DNAH1: variants seen among roughly 807,000 people sequenced by gnomAD.
DNAH1 encodes the protein dynein axonemal heavy chain 1, also known as axonemal beta dynein heavy chain 1.
In DNAH1, 327 loss-of-function variants were observed where a neutral mutation model predicts 484.3. That is an observed-to-expected ratio of 0.68 (90% CI 0.62 to 0.74). DNAH1 has a LOEUF of 0.74. Ranked by LOEUF, DNAH1 falls within the 30% of genes least tolerant of loss-of-function variation. The pLI is 0.00. For synonymous variants in DNAH1, 2,192 were observed against 2,191.9 expected, an observed-to-expected ratio of 1.00 and a Z score of 0.00; for missense variants, 5,052 against 5,546.8, an observed-to-expected ratio of 0.91 and a Z score of 2.83.
rs1049893499 is a variant in DNAH1, at chr3:52,362,273, G to C, written c.4981-115G>C. 11 of 838,884 alleles carry C rather than the reference G, an allele frequency of 1.3e-5. No homozygotes were observed. The highest frequency in any genetic ancestry group is 2.1e-5 in the Admixed American group (1 of 46,808). The allele number at this position is 838,884 out of a possible 1,614,324, so 52.0% of individuals were successfully genotyped here. Reference sequence around the variant, plus strand: ...AACCCATGATCAGGGGTCCAGGCCTGGCCTACCAGCTACAGCCAGGACAGG... The same window carrying C: ...AACCCATGATCAGGGGTCCAGGCCTCGCCTACCAGCTACAGCCAGGACAGG... On this transcript the variant is annotated intron_variant, in intron 30 of 77. Transcript: ENST00000420323. The surrounding 1 kb of genome is among the most constrained non-coding windows in gnomAD (Gnocchi z 5.1).
At position 52,349,282 on chromosome 3, in the gene DNAH1, G is replaced by A. The variant is rs751686460; in HGVS notation, c.2388G>A (p.Ser796=). The part of the protein sequence containing the change: ...HLREKEILDS[S]LPSSIIIGPF... Reference sequence around the variant, plus strand: ...GGGAGAAGGAGATCCTGGACAGCTCGCTGCCCAGCAGCATCATCATTGGGC... The same window carrying A: ...GGGAGAAGGAGATCCTGGACAGCTCACTGCCCAGCAGCATCATCATTGGGC... Residue 796 remains serine, a synonymous_variant, in exon 14 of 78, where the codon TCG becomes TCA. Coordinates refer to ENST00000420323, the MANE Select transcript of DNAH1 (RefSeq NM_015512.5). 3.2e-5 allele frequency: 51 copies of A among 1,613,848 alleles called. No homozygotes were observed. Among genetic ancestry groups the A allele is most frequent in the Non-Finnish European group, 4.2e-5 (50 of 1,179,894 alleles).
chr3:52,394,002 GC>G (rs1454833253), intron 66 of DNAH1, among the ~76,000 whole-genome samples: 1 of 152,260 alleles, frequency 6.6e-6, no homozygotes, highest in Non-Finnish European at 1.5e-5. Flanking sequence ...GCCTTCTCGA[GC>G]CTTGAGTGTG....
At position 52,396,849 on chromosome 3, in the gene DNAH1, TCACC is replaced by T; in HGVS notation, c.11611-9_11611-6del. ...GGGGACTGGGCACTTAGGGGAGCCC[TCACC>T]CACCCACCCCATAGGTCCTCAAGTA... On this transcript the variant is annotated splice_polypyrimidine_tract_variant and intron_variant, in intron 72 of 77. Coordinates refer to ENST00000420323, the MANE Select transcript of DNAH1 (RefSeq NM_015512.5). The T allele has an allele frequency of 2.5e-6, 2 of 796,312 alleles. No homozygotes were observed. The highest frequency in any genetic ancestry group is 4.1e-6 in the Non-Finnish European group (2 of 490,284). 49.3% of individuals were successfully genotyped at this position (796,312 alleles called of 1,614,324 possible).
rs1399459638 is a variant in DNAH1, at chr3:52,395,456, G to A, written c.11117G>A (p.Gly3706Asp). 2 of 1,613,868 alleles carry A rather than the reference G, an allele frequency of 1.2e-6. No homozygotes were observed. Among genetic ancestry groups the A allele is most frequent in the South Asian group, 2.2e-5 (2 of 91,082 alleles). ...AAAAAGCTCTCTGCCATCTCCCTGG[G>A]CCAGGGGCAGGTCAGGGCTAGGCAG... ...FSKKLSAISL[G>D]QGQGPRAEAM... is the part of the protein sequence containing the mutation. Residue 3706 changes from glycine (G) to aspartate (D), a missense_variant, in exon 69 of 78, where the codon GGC becomes GAC. Around this residue, in one of 4 missense-constraint regions of DNAH1, gnomAD observed 853 missense variants for 899.0 expected, o/e 0.95. Coordinates refer to ENST00000420323, the MANE Select transcript of DNAH1 (RefSeq NM_015512.5). This position sits in a 1 kb window ranked among gnomAD's most constrained non-coding sequence, Gnocchi z 4.4.
In DNAH1 at chr3:52,392,506, G is replaced by C. The variant is rs754341070; in HGVS notation, c.10095G>C (p.Glu3365Asp). Residue 3365 changes from glutamate (E) to aspartate (D), a missense_variant, in exon 64 of 78, where the codon GAG (glutamate) becomes GAC (aspartate). Physicochemically the swap from Glu to Asp is conservative, Grantham distance 45. Transcript: ENST00000420323. ...TACTGGGCCAGGTAGTGGCAGAGGA[G>C]CGACCCGACCTGGAGGAGGCCAAGA... ...DQLLGQVVAE[E>D]RPDLEEAKNQ... 1.2e-6 allele frequency: 2 copies of C among 1,613,764 alleles called. No homozygotes were observed. The highest frequency in any genetic ancestry group is 1.7e-6 in the Non-Finnish European group (2 of 1,179,874).
intron 16 of DNAH1, among the ~76,000 whole-genome samples, chr3:52,350,828 C>A (rs1344967499): frequency 6.6e-6 from 1 of 152,210 alleles, no homozygotes; most frequent in Non-Finnish European, 1.5e-5. Context: ...TGTCTCTGTC[C>A]TGTCAATGGC....
At chr3:52,360,543 G>C (rs1702812087) in intron 28 of DNAH1, 119 bp downstream of exon 28, 1 of 814,756 alleles carries the variant, frequency 1.2e-6, no homozygotes, top group African/African-American at 1.7e-5. Flanking sequence ...GCAGTACAGG[G>C]TTAGGACCAA....
Position 52,396,727 on chromosome 3 carries a change from A to G in DNAH1, c.11540A>G (p.Asp3847Gly), listed in dbSNP as rs1299172900. Reference sequence around the variant, plus strand: ...TTCAACATCCCCTATGAGTTCACGGATGGAGATCTGCGCATCTGCATCAGC... The same window carrying G: ...TTCAACATCCCCTATGAGTTCACGGGTGGAGATCTGCGCATCTGCATCAGC... ...LGFNIPYEFT[D>G]GDLRICISQL... Residue 3847 changes from aspartate to glycine, a missense_variant, in exon 72 of 78, where the codon GAT becomes GGT. By Grantham distance (94) the Asp-to-Gly change is moderately conservative. Transcript: ENST00000420323. The G allele has an allele frequency of 7.4e-6, 12 of 1,613,650 alleles. No homozygotes were observed. Among genetic ancestry groups the G allele is most frequent in the Middle Eastern group, 1.6e-4 (1 of 6,084 alleles).
chr3:52,390,083 T>G (rs1422668434), intron 60 of DNAH1, among the ~76,000 whole-genome samples: 3 of 152,004 alleles, frequency 2.0e-5, no homozygotes, highest in African/African-American at 4.8e-5. Flanking sequence ...ATTGCGCCAC[T>G]GCACTCCAGC....
rs1226387758 is a variant in DNAH1 at position 52,386,958 on chromosome 3, G to A, written c.9003+105G>A. 2.5e-6 allele frequency: 3 copies of A among 1,216,126 alleles called. 1 individual carries two copies. The African/African-American group carries it at 4.6e-5, about 19-fold the overall frequency. The allele number at this position is 1,216,126 out of a possible 1,614,324, so 75.3% of individuals were successfully genotyped here. On this transcript the variant is annotated intron_variant, in intron 56 of 77. Transcript: ENST00000420323. ...TTGCCCCACCACATCATCTGCATGT[G>A]CAGTGGCCTCTGTCCTGTCTCTCTC...
chr3:52,329,881 T>C (rs1701480517), intron 6 of DNAH1, among the ~76,000 whole-genome samples: 1 of 151,796 alleles, frequency 6.6e-6, no homozygotes, highest in Admixed American at 6.6e-5. Flanking sequence ...TTATCTCGGC[T>C]CACTGAAACC....
intron 8 of DNAH1, among the ~76,000 whole-genome samples, chr3:52,343,462 G>C (rs1014365538): frequency 3.9e-5 from 6 of 152,112 alleles, no homozygotes; most frequent in Admixed American, 3.3e-4. Context: ...TGAAATTCGA[G>C]GGACTTCACC....
At chr3:52,356,454 A>G (rs1702613356) in intron 21 of DNAH1, among the ~76,000 whole-genome samples, 160 bp from the exon 22 acceptor site, 1 of 152,226 alleles carries the variant, frequency 6.6e-6, no homozygotes, top group African/African-American at 2.4e-5. Context: ...AGTATCACAG[A>G]TGACAGCACC....
chr3:52,370,196 G>A lies in DNAH1; in HGVS notation c.6225G>A (p.Leu2075=). 1 of 1,613,966 alleles carries A rather than the reference G, an allele frequency of 6.2e-7. No homozygotes were observed. The highest frequency in any genetic ancestry group is 1.7e-5 in the Admixed American group (1 of 60,016). The change falls in exon 39 of 78, where the codon CTG becomes CTA. Residue 2075 remains leucine, a synonymous_variant. Transcript: ENST00000420323. ...CNLTMSLLKL[L]DCFFKPFLPR... is the part of the protein sequence containing the mutation. Reference sequence around the variant, plus strand: ...TGACCATGAGCCTCCTCAAGCTGCTGGACTGCTTCTTCAAGCCCTTTCTGC... The same window carrying A: ...TGACCATGAGCCTCCTCAAGCTGCTAGACTGCTTCTTCAAGCCCTTTCTGC...
chr3:52,347,186 T>A (rs551775141), intron 11 of DNAH1, among the ~76,000 whole-genome samples: 1 of 149,648 alleles, frequency 6.7e-6, no homozygotes, highest in Non-Finnish European at 1.5e-5. Context: ...TGCCAAGACC[T>A]GAGATGTAAG....
At position 52,368,739 on chromosome 3, in the gene DNAH1, A is replaced by G. The variant is rs750895448; in HGVS notation, c.5766-2A>G. 3 of 1,612,046 alleles carry G rather than the reference A, an allele frequency of 1.9e-6. No homozygotes were observed. The East Asian group carries it at 6.7e-5, about 36-fold the overall frequency. On this transcript the variant is annotated splice_acceptor_variant, in intron 36 of 77. Coordinates refer to ENST00000420323, the MANE Select transcript of DNAH1 (RefSeq NM_015512.5). LOFTEE classifies it high-confidence loss of function. The surrounding 1 kb of genome is among the most constrained non-coding windows in gnomAD (Gnocchi z 4.4). ...CCAGCCCTCTCCTCCCTGGCGCTGC[A>G]GGACAGACGGGATATTCTCCTCGTT... is the stretch of plus-strand genomic sequence containing the variant.
At chr3:52,397,979 C>T (rs2153225840) in intron 74 of DNAH1, 53 bp from the exon 75 acceptor site, 1 of 1,594,452 alleles carries the variant, frequency 6.3e-7, no homozygotes, top group South Asian at 1.1e-5. Context: ...TGGAATCCCA[C>T]AGGGGATAAG....
rs17052097 is a variant in DNAH1, at chr3:52,362,394, C to G, written c.4987C>G (p.Arg1663Gly). 3.1e-6 allele frequency: 5 copies of G among 1,613,334 alleles called. No individual in the cohort carries two copies. The highest frequency in any genetic ancestry group is 2.5e-6 in the Non-Finnish European group (3 of 1,179,708). The change falls in exon 31 of 78, where the codon CGC (arginine) becomes GGC (glycine). Residue 1663 changes from arginine (R) to glycine (G), a missense_variant. Physicochemically the swap from Arg to Gly is moderately radical, Grantham distance 125. Around this residue, in one of 4 missense-constraint regions of DNAH1, gnomAD observed 2,929 missense variants for 3,409.4 expected, o/e 0.86. Transcript: ENST00000420323. The surrounding 1 kb of genome is among the most constrained non-coding windows in gnomAD (Gnocchi z 5.1). ...CAGCCTCTCCCCACTGCAGGTGGAACGCTTCATGTTTGAGGGTGTGGAGAT... is the reference window on the plus strand; with the variant it reads ...CAGCCTCTCCCCACTGCAGGTGGAAGGCTTCATGTTTGAGGGTGTGGAGAT... ...IQKAQQQRVE[R>G]FMFEGVEIPL...
rs199763713 is a variant in DNAH1, at chr3:52,331,262, G to A, written c.986G>A (p.Arg329Gln). The change falls in exon 7 of 78, where the codon CGA becomes CAA. Residue 329 changes from arginine to glutamine, a missense_variant. Physicochemically the swap from Arg to Gln is conservative, Grantham distance 43. Transcript: ENST00000420323. ...AAGACAGACGAGAAAGGCCTGGTGC[G>A]AGATGAGATGGGGAGGCCCATCCTG... ...VHKTDEKGLV[R>Q]DEMGRPILNA... The A allele has an allele frequency of 1.3e-5, 21 of 1,611,028 alleles. No homozygotes were observed. Among genetic ancestry groups the A allele is most frequent in the Admixed American group, 5.0e-5 (3 of 59,616 alleles).
Sources: allele counts gnomAD v4.1 joint callset (sites outside exome capture counted in the v4.1 genomes callset), GRCh38; gene constraint gnomAD v4.1.1; regional missense constraint gnomAD v4.1.1; non-coding constraint Gnocchi (gnomAD v3.1); transcripts MANE v1.5; gene names NCBI Gene and HGNC (gene_info 2026-07-23, HGNC 2026-07-21).